Variants in GRAMD2B observed in about 807,000 individuals in gnomAD.
GRAMD2B encodes the protein GRAM domain-containing protein 2B.
Under a neutral mutation model 59.2 loss-of-function variants are expected in GRAMD2B, and 41 were observed. The observed-to-expected ratio is 0.69, with a 90% confidence interval of 0.54 to 0.90. The LOEUF is 0.90. Among genes scored for constraint, GRAMD2B ranks in the 40% least tolerant of loss-of-function variants. The probability of loss-of-function intolerance (pLI) is 0.00; values close to 1 mark genes in which losing one functional copy is unlikely to be tolerated. For missense variants in GRAMD2B, 424 were observed against 500.5 expected (o/e 0.85, Z 1.46); for synonymous variants, 161 against 182.7 (o/e 0.88, Z 0.96).
chr5:126,387,816 T>C (rs1175937963), intron 1 of GRAMD2B, among the ~76,000 whole-genome samples: 1 of 152,018 alleles, frequency 6.6e-6, no homozygotes, highest in East Asian at 1.9e-4. Flanking sequence ...GGGGAAAAAA[T>C]GAAGAATTGT....
At chr5:126,479,211 C>A (rs772903640) in intron 6 of GRAMD2B, among the ~76,000 whole-genome samples, 13 of 151,422 alleles carry the variant, frequency 8.6e-5, no homozygotes, top group South Asian at 2.1e-4. Context: ...TTTATTTTTT[C>A]TTTTTTCAAT....
Position 126,484,441 on chromosome 5 carries a change from C to T in GRAMD2B, c.887C>T (p.Ser296Phe). Residue 296 changes from serine to phenylalanine, a missense_variant, in exon 10 of 14, where the codon TCC becomes TTC. Coordinates refer to ENST00000285689, the MANE Select transcript of GRAMD2B (RefSeq NM_023927.4). Reference protein sequence around the residue: ...ATESQTVLNVSKGEAKPTRAD... With the variant: ...ATESQTVLNVFKGEAKPTRAD... The stretch of plus-strand genomic sequence containing the variant: ...GAATCCCAAACAGTTCTGAATGTCT[C>T]CAAGGGAGAAGCAAAGCCAACTCGG... The T allele has an allele frequency of 2.5e-6, 4 of 1,614,116 alleles. No homozygotes were observed. Among genetic ancestry groups the T allele is most frequent in the Non-Finnish European group, 3.4e-6 (4 of 1,180,004 alleles).
intron 1 of GRAMD2B, among the ~76,000 whole-genome samples, chr5:126,414,261 A>G (rs898028131): frequency 1.3e-5 from 2 of 152,124 alleles, no homozygotes; most frequent in Non-Finnish European, 2.9e-5. Flanking sequence ...TTTCTATAAG[A>G]CCAATGTCTG....
chr5:126,382,134 T>C (rs1364056589), intron 1 of GRAMD2B, among the ~76,000 whole-genome samples: 1 of 152,236 alleles, frequency 6.6e-6, no homozygotes, highest in East Asian at 1.9e-4. Flanking sequence ...CTTTCCTTCA[T>C]CTTGAATTTA....
intron 1 of GRAMD2B, among the ~76,000 whole-genome samples, chr5:126,439,414 C>T (rs1371603100): frequency 1.3e-5 from 2 of 150,584 alleles, no homozygotes; most frequent in African/African-American, 2.5e-5. Flanking sequence ...GCAACCTCCA[C>T]CTCCTGGACT....
chr5:126,435,407 G>A (rs1762246680), intron 1 of GRAMD2B, among the ~76,000 whole-genome samples: 1 of 152,174 alleles, frequency 6.6e-6, no homozygotes, highest in Admixed American at 6.5e-5. Context: ...AAGTTCAAAT[G>A]CATGTTTTTG....
intron 1 of GRAMD2B, among the ~76,000 whole-genome samples, chr5:126,391,319 C>CAAAAAAAAAAAAAAAAAACAA (rs1756739039): frequency 1.3e-5 from 1 of 76,350 alleles, no homozygotes; most frequent in Non-Finnish European, 2.6e-5. Context: ...GACTCCATCT[C>CAAAAAAAAAAAAAAAAAACAA]AAAAAAAAAA....
chr5:126,400,295 CT>C (rs1356149417), intron 1 of GRAMD2B, among the ~76,000 whole-genome samples: 1 of 152,012 alleles, frequency 6.6e-6, no homozygotes, highest in East Asian at 1.9e-4. Flanking sequence ...TAACAGTTAG[CT>C]TATTGTAAGC....
chr5:126,370,156 C>T (rs552245887), upstream of GRAMD2B, among the ~76,000 whole-genome samples: 12 of 152,278 alleles, frequency 7.9e-5, no homozygotes, highest in South Asian at 2.3e-3. Flanking sequence ...GAATTTAGGG[C>T]ATTCAGTGCT....
At chr5:126,427,478 A>T (rs1252693754) in intron 1 of GRAMD2B, among the ~76,000 whole-genome samples, 2 of 152,188 alleles carry the variant, frequency 1.3e-5, no homozygotes, top group Non-Finnish European at 2.9e-5. Flanking sequence ...TGCAATTTGA[A>T]TTTTTAACAT....
intron 13 of GRAMD2B, among the ~76,000 whole-genome samples, chr5:126,489,197 T>A (rs1184589481): frequency 1.3e-5 from 2 of 152,200 alleles, no homozygotes. Context: ...ACATCGGAGC[T>A]TAATGTAGGG....
chr5:126,471,508 G>T (rs145511409), intron 3 of GRAMD2B, among the ~76,000 whole-genome samples: 87 of 152,286 alleles, frequency 5.7e-4, no homozygotes, highest in African/African-American at 1.9e-3. Context: ...CAGCTTTCAT[G>T]GTCTTGGGCC....
chr5:126,423,802 C>T (rs893865887), intron 1 of GRAMD2B, 113 bp downstream of exon 1: 16 of 987,270 alleles, frequency 1.6e-5, no homozygotes, highest in Non-Finnish European at 2.3e-5. Context: ...CCTATATGGA[C>T]AATCTTGTGG....
intron 1 of GRAMD2B, among the ~76,000 whole-genome samples, chr5:126,444,125 A>G (rs184432775): frequency 2.0e-5 from 3 of 151,974 alleles, no homozygotes; most frequent in African/African-American, 7.2e-5. Context: ...GTCCTGGCCT[A>G]CCTTTTCCAA....
intron 1 of GRAMD2B, among the ~76,000 whole-genome samples, chr5:126,439,713 TA>T (rs1451753363): frequency 6.6e-6 from 1 of 152,178 alleles, no homozygotes; most frequent in Non-Finnish European, 1.5e-5. Context: ...AGAAAAATTA[TA>T]AAAGTCAATG....
chr5:126,476,719 T>C (rs1770696047), intron 5 of GRAMD2B, among the ~76,000 whole-genome samples: 1 of 152,202 alleles, frequency 6.6e-6, no homozygotes. Context: ...GGTAAATAGG[T>C]ATCAATAATG....
chr5:126,490,210 AT>A (rs1203492143), intron 13 of GRAMD2B: 1 of 152,132 alleles, frequency 6.6e-6, no homozygotes, highest in Admixed American at 6.5e-5. Flanking sequence ...ATGCTTACAA[AT>A]GTTTGGCTTT....
chr5:126,409,022 T>C (rs1758520178), intron 1 of GRAMD2B, among the ~76,000 whole-genome samples: 4 of 150,798 alleles, frequency 2.7e-5, no homozygotes, highest in Non-Finnish European at 5.9e-5. Context: ...CATGAACTCA[T>C]CCTTTTTTAT....
intron 5 of GRAMD2B, among the ~76,000 whole-genome samples, chr5:126,476,739 A>G (rs565323003): frequency 2.8e-4 from 42 of 152,328 alleles, no homozygotes; most frequent in Non-Finnish European, 5.4e-4. Context: ...GGTAGCTTCT[A>G]TAGTTACTGT....
Sources: allele counts gnomAD v4.1 joint callset (sites outside exome capture counted in the v4.1 genomes callset), GRCh38; gene constraint gnomAD v4.1.1; transcripts MANE v1.5; gene names NCBI Gene and HGNC (gene_info 2026-07-23, HGNC 2026-07-21).